The following IKBKB variants were observed in gnomAD, a reference collection of about 807,000 sequenced individuals.
The protein encoded by IKBKB is inhibitor of nuclear factor kappa B kinase subunit beta, also known as inhibitor of nuclear factor kappa-B kinase subunit beta.
In IKBKB, 42 loss-of-function variants were observed where a neutral mutation model predicts 113.6. That is an observed-to-expected ratio of 0.37 (90% CI 0.29 to 0.48). The LOEUF (loss-of-function observed/expected upper bound fraction) is 0.48, where lower values mean the gene tolerates loss of function less well. Among genes scored for constraint, IKBKB ranks in the 20% least tolerant of loss-of-function variants. The pLI is 0.99. For synonymous variants in IKBKB, 296 were observed against 361.3 expected (o/e 0.82, Z 2.05); for missense variants, 673 against 939.7 (o/e 0.72, Z 3.71).
chr8:42,325,949 T>C, intron 19 of IKBKB, 21 bp from the exon 20 acceptor site: 1 of 1,613,184 alleles, frequency 6.2e-7, no homozygotes, highest in Non-Finnish European at 8.5e-7. Flanking sequence ...GCTCCTAATT[T>C]CTTTTGATTT....
At chr8:42,325,597 T>G (rs1820583644) in intron 19 of IKBKB, 1 of 875,446 alleles carries the variant, frequency 1.1e-6, no homozygotes, top group Non-Finnish European at 1.4e-6. Flanking sequence ...GAGAATCGCT[T>G]AAACCCCGGA....
chr8:42,320,426 G>T, intron 15 of IKBKB: 1 of 283,474 alleles, frequency 3.5e-6, no homozygotes, highest in Non-Finnish European at 6.7e-6. Flanking sequence ...TGTATGCCAG[G>T]CACCATGCCA....
intron 2 of IKBKB, among the ~76,000 whole-genome samples, chr8:42,273,422 ATATATAT>A (rs1808250305): frequency 6.9e-6 from 1 of 145,222 alleles, no homozygotes; most frequent in African/African-American, 2.7e-5. Context: ...CTCAAAAAAT[ATATATAT>A]ATATATATAT....
rs894514370 is a variant in IKBKB at position 42,314,441 on chromosome 8, C to T, written c.800+12C>T. 11 of 1,448,130 alleles carry T rather than the reference C, an allele frequency of 7.6e-6. No individual in the cohort carries two copies. Among genetic ancestry groups the T allele is most frequent in the East Asian group, 4.5e-5 (2 of 44,072 alleles). 89.7% of individuals were successfully genotyped at this position (1,448,130 alleles called of 1,614,324 possible). A position where few individuals can be genotyped will look rare whatever the true frequency, so the allele number is the denominator to read the frequency against. ...AATAATCTTAACAGGTAAGGCACAG[C>T]GGCATTACACGAATACATATCTTTC... On this transcript the variant is annotated intron_variant, in intron 9 of 21. Transcript: ENST00000520810.
chr8:42,277,214 GCT>G (rs1240570443), intron 2 of IKBKB, among the ~76,000 whole-genome samples: 2 of 134,278 alleles, frequency 1.5e-5, no homozygotes, highest in Non-Finnish European at 3.1e-5. Flanking sequence ...ACGGAGTCAC[GCT>G]CTGTTGCCCA....
At chr8:42,285,802 A>G (rs569919955) in intron 2 of IKBKB, among the ~76,000 whole-genome samples, 1 of 152,226 alleles carries the variant, frequency 6.6e-6, no homozygotes, top group Admixed American at 6.5e-5. Context: ...TCAGGGAAAG[A>G]AGCCTGTCAC....
In IKBKB at chr8:42,271,348, C is replaced by T. The variant is rs1320951019; in HGVS notation, c.-140C>T. 7.5e-7 allele frequency: 1 copy of T among 1,325,010 alleles called. No individual in the cohort carries two copies. The highest frequency in any genetic ancestry group is 1.0e-6 in the Non-Finnish European group (1 of 955,078). The allele number at this position is 1,325,010 out of a possible 1,614,324, so 82.1% of individuals were successfully genotyped here. A position where few individuals can be genotyped will look rare whatever the true frequency, so the allele number is the denominator to read the frequency against. On this transcript the variant is annotated 5_prime_UTR_variant, in exon 1 of 22. Transcript: ENST00000520810. ...TTTGAGGAAGTCGCGCCGCGCTGCCCGCGTTAAGATTCCCGCATTTTAATG... is the reference window on the plus strand; with the variant it reads ...TTTGAGGAAGTCGCGCCGCGCTGCCTGCGTTAAGATTCCCGCATTTTAATG...
At position 42,280,552 on chromosome 8, in the gene IKBKB, G is replaced by C. The variant is rs1026830894; in HGVS notation, c.106-8082G>C. ...TGGCTCTGTCAGCGTCTTGGCTGTGGGTCCCCACTTTTTGCATGGATTATG... is the reference window on the plus strand; with the variant it reads ...TGGCTCTGTCAGCGTCTTGGCTGTGCGTCCCCACTTTTTGCATGGATTATG... On this transcript the variant is annotated intron_variant, in intron 2 of 21. Coordinates refer to ENST00000520810, the MANE Select transcript of IKBKB (RefSeq NM_001556.3). Among the ~76,000 whole-genome samples the C allele has an allele frequency of 5.9e-5, 9 of 152,174 alleles. 1 individual carries two copies. The highest frequency in any genetic ancestry group is 3.4e-3 in the Middle Eastern group (1 of 294).
chr8:42,330,006 A>G (rs952761230), intron 21 of IKBKB: 1 of 985,406 alleles, frequency 1.0e-6, no homozygotes, highest in Non-Finnish European at 1.2e-6. Flanking sequence ...GACATTCTAT[A>G]TCTCTTGCTG....
chr8:42,284,841 G>T (rs986767568), intron 2 of IKBKB, among the ~76,000 whole-genome samples: 5 of 145,040 alleles, frequency 3.4e-5, no homozygotes, highest in African/African-American at 1.0e-4. Context: ...ATCAATTAAA[G>T]AAACGTTATT....
In IKBKB at chr8:42,293,483, G is replaced by T. The variant is rs758302357; in HGVS notation, c.359G>T (p.Gly120Val). The T allele has an allele frequency of 6.2e-7, 1 of 1,614,170 alleles. No homozygotes were observed. The highest frequency in any genetic ancestry group is 1.1e-5 in the South Asian group (1 of 91,084). The change falls in exon 5 of 22, where the codon GGT (glycine) becomes GTT (valine). Residue 120 changes from glycine (G) to valine (V), a missense_variant. Physicochemically the swap from Gly to Val is moderately radical, Grantham distance 109 (BLOSUM62 -3). Transcript: ENST00000520810. Reference sequence around the variant, plus strand: ...GAGAACTGCTGTGGTCTGCGGGAAGGTGCCATCCTCACCTTGCTGAGTGAC... The same window carrying T: ...GAGAACTGCTGTGGTCTGCGGGAAGTTGCCATCCTCACCTTGCTGAGTGAC... ...QFENCCGLREGAILTLLSDIA... is the reference protein window; with the variant it reads ...QFENCCGLREVAILTLLSDIA...
At chr8:42,276,613 A>G (rs1223300966) in intron 2 of IKBKB, among the ~76,000 whole-genome samples, 2 of 151,104 alleles carry the variant, frequency 1.3e-5, no homozygotes, top group Non-Finnish European at 2.9e-5. Flanking sequence ...ATGTAATCTC[A>G]TTTGTCTACT....
chr8:42,303,797 G>T (rs535911825), intron 5 of IKBKB, among the ~76,000 whole-genome samples: 1 of 152,110 alleles, frequency 6.6e-6, no homozygotes, highest in Non-Finnish European at 1.5e-5. Flanking sequence ...GTGAGCCACC[G>T]CGCCCAGCCC....
At chr8:42,328,797 G>A (rs1008091222) in intron 20 of IKBKB, among the ~76,000 whole-genome samples, 1 of 152,080 alleles carries the variant, frequency 6.6e-6, no homozygotes, top group Admixed American at 6.5e-5. Context: ...GTGATTTGGA[G>A]AATATCTTTA....
chr8:42,290,298 G>A (rs1474998450), intron 4 of IKBKB, 25 bp downstream of exon 4: 5 of 1,510,138 alleles, frequency 3.3e-6, no homozygotes, highest in South Asian at 1.1e-5. Context: ...GCTGCCAGGT[G>A]CACAGCCTGT....
intron 8 of IKBKB, chr8:42,309,462 C>A (rs1475483446): frequency 5.0e-6 from 2 of 403,128 alleles, no homozygotes; most frequent in Admixed American, 3.3e-5. Flanking sequence ...GTTTTTAAAG[C>A]GTAAGAATGT....
At position 42,331,553 on chromosome 8, in the gene IKBKB, C is replaced by T. The variant is rs1323548168; in HGVS notation, c.*574C>T. On this transcript the variant is annotated 3_prime_UTR_variant, in exon 22 of 22. Transcript: ENST00000520810. ...AGTTTAATTATAGTTGCGGCCTGGC[C>T]CCATCCTCACTTCCTCTTTTTATTT... The T allele has an allele frequency of 1.6e-6, 1 of 606,080 alleles. No individual in the cohort carries two copies. The highest frequency in any genetic ancestry group is 1.8e-5 in the African/African-American group (1 of 54,156). 37.5% of individuals were successfully genotyped at this position (606,080 alleles called of 1,614,324 possible).
chr8:42,283,791 T>C (rs1810829750), intron 2 of IKBKB, among the ~76,000 whole-genome samples: 1 of 152,256 alleles, frequency 6.6e-6, no homozygotes, highest in Admixed American at 6.5e-5. Flanking sequence ...TGCCCTCTTC[T>C]GTGTATTGAA....
At position 42,329,011 on chromosome 8, in the gene IKBKB, T is replaced by G. The variant is rs1821321126; in HGVS notation, c.2115-113T>G. The stretch of plus-strand genomic sequence containing the variant: ...TTAAGACACTCAGGATCAAAATAAT[T>G]GTTACTTCATTTAAAAAGTATTATC... On this transcript the variant is annotated intron_variant, in intron 20 of 21. Transcript: ENST00000520810. The G allele has an allele frequency of 5.2e-6, 4 of 773,340 alleles. No individual in the cohort carries two copies. In the African/African-American group the frequency reaches 7.2e-5, roughly 14 times the overall value. 47.9% of individuals were successfully genotyped at this position (773,340 alleles called of 1,614,324 possible). A position where few individuals can be genotyped will look rare whatever the true frequency, so the allele number is the denominator to read the frequency against.
Sources: allele counts gnomAD v4.1 joint callset (sites outside exome capture counted in the v4.1 genomes callset), GRCh38; gene constraint gnomAD v4.1.1; transcripts MANE v1.5; gene names NCBI Gene and HGNC (gene_info 2026-07-23, HGNC 2026-07-21).